Variants in CSTPP1 observed in about 807,000 individuals in gnomAD.
CSTPP1 encodes the protein UPF0705 protein C11orf49.
the CSTPP1 span, chr11:47,157,695 G>A: frequency 2.3e-6 from 2 of 878,500 alleles, no homozygotes; most frequent in African/African-American, 3.4e-5. Context: ...CCAGGGCCTT[G>A]GGGCTCCCAA....
At chr11:47,040,892 CCTG>C in the CSTPP1 span, 3 of 130,494 alleles carry the variant, frequency 2.3e-5, 1 homozygote, top group Admixed American at 2.5e-4. Context: ...CTACCATACA[CCTG>C]CTCCCCAAGT....
the CSTPP1 span, among the ~76,000 whole-genome samples, chr11:46,984,520 C>T: frequency 2.0e-5 from 3 of 151,912 alleles, no homozygotes; most frequent in African/African-American, 7.3e-5. Context: ...CATGCATGGT[C>T]CAATATATTT....
At chr11:47,120,524 G>A in the CSTPP1 span, among the ~76,000 whole-genome samples, 1 of 152,322 alleles carries the variant, frequency 6.6e-6, no homozygotes, top group East Asian at 1.9e-4. This position sits in a 1 kb window ranked among gnomAD's most constrained non-coding sequence, Gnocchi z 4.2. Context: ...TGAAGTCACA[G>A]GGTGGACTAA....
At chr11:46,969,565 A>G in the CSTPP1 span, among the ~76,000 whole-genome samples, 1 of 152,218 alleles carries the variant, frequency 6.6e-6, no homozygotes, top group South Asian at 2.1e-4. Context: ...GAATGCTCGT[A>G]GTGGCACTAT....
the CSTPP1 span, among the ~76,000 whole-genome samples, chr11:46,982,413 CTTAG>C: frequency 8.9e-3 from 1,346 of 151,990 alleles, 17 homozygotes; most frequent in African/African-American, 0.029. Context: ...TCCAGTGAGA[CTTAG>C]TTATTCTATT....
chr11:46,991,748 A>C, the CSTPP1 span: 5 of 151,958 alleles, frequency 3.3e-5, no homozygotes, highest in African/African-American at 4.8e-5. Context: ...GCATCATTTA[A>C]ATTTTTTTTT....
chr11:46,964,055 G>C, the CSTPP1 span, among the ~76,000 whole-genome samples: 1 of 151,992 alleles, frequency 6.6e-6, no homozygotes, highest in East Asian at 1.9e-4. Context: ...TTTTCTATCT[G>C]GTCTCGTTAC....
At chr11:47,038,991 G>T in the CSTPP1 span, among the ~76,000 whole-genome samples, 2 of 123,642 alleles carry the variant, frequency 1.6e-5, 1 homozygote, top group Non-Finnish European at 3.9e-5. Context: ...GATGGCGGCC[G>T]GGAAGAGGCG....
chr11:47,155,133 C>A, the CSTPP1 span: 3 of 1,503,664 alleles, frequency 2.0e-6, no homozygotes, highest in East Asian at 2.3e-5. Context: ...CTCCTTAAAC[C>A]TCTCCCCCAT....
At chr11:47,052,446 G>A in the CSTPP1 span, 9 of 1,614,024 alleles carry the variant, frequency 5.6e-6, no homozygotes, top group East Asian at 4.5e-5. Flanking sequence ...CTTCGTCCAA[G>A]CCACCCCCCA....
chr11:47,046,148 A>T, the CSTPP1 span, among the ~76,000 whole-genome samples: 1 of 152,124 alleles, frequency 6.6e-6, no homozygotes, highest in Non-Finnish European at 1.5e-5. Context: ...TGAATTTTTT[A>T]AAAAAGGAAA....
At chr11:47,007,451 C>G in the CSTPP1 span, among the ~76,000 whole-genome samples, 1 of 152,044 alleles carries the variant, frequency 6.6e-6, no homozygotes, top group Non-Finnish European at 1.5e-5. Flanking sequence ...GTTCTTAATT[C>G]TAATTATTGT....
At chr11:47,047,359 A>T in the CSTPP1 span, among the ~76,000 whole-genome samples, 1 of 152,258 alleles carries the variant, frequency 6.6e-6, no homozygotes. Flanking sequence ...AGCCACAGTA[A>T]TTCAAGTATT....
the CSTPP1 span, among the ~76,000 whole-genome samples, chr11:47,037,389 A>T: frequency 1.9e-4 from 15 of 80,176 alleles, 5 homozygotes; most frequent in East Asian, 4.5e-4. Context: ...TATTATTATT[A>T]TTATTTTTTT....
chr11:46,950,642 C>T, the CSTPP1 span, among the ~76,000 whole-genome samples: 1 of 151,744 alleles, frequency 6.6e-6, no homozygotes, highest in East Asian at 1.9e-4. Flanking sequence ...GGTGGAGTCT[C>T]ACTTTGTTGC....
chr11:47,142,720 GA>G, the CSTPP1 span, among the ~76,000 whole-genome samples: 5 of 152,142 alleles, frequency 3.3e-5, no homozygotes, highest in African/African-American at 4.8e-5. Context: ...TGTCTCCTCA[GA>G]CCCTTCCAAA....
At chr11:47,009,594 C>T in the CSTPP1 span, among the ~76,000 whole-genome samples, 2 of 151,988 alleles carry the variant, frequency 1.3e-5, no homozygotes, top group African/African-American at 4.8e-5. Context: ...GTCAGGAGCT[C>T]GAGACCAGTC....
chr11:47,117,424 G>T, the CSTPP1 span, among the ~76,000 whole-genome samples: 1 of 152,162 alleles, frequency 6.6e-6, no homozygotes, highest in Non-Finnish European at 1.5e-5. Context: ...GAAATTCTGG[G>T]TTGAAAATTC....
the CSTPP1 span, chr11:47,052,808 T>C: frequency 4.3e-6 from 1 of 230,104 alleles, no homozygotes; most frequent in Non-Finnish European, 8.5e-6. Context: ...AACTCATTTA[T>C]CTTTACAAGG....
Sources: allele counts gnomAD v4.1 joint callset (sites outside exome capture counted in the v4.1 genomes callset), GRCh38; gene constraint gnomAD v4.1.1; non-coding constraint Gnocchi (gnomAD v3.1); transcripts MANE v1.5; gene names NCBI Gene and HGNC (gene_info 2026-07-23, HGNC 2026-07-21).